AKAP8: variants seen among roughly 807,000 people sequenced by gnomAD.
AKAP8 encodes the protein A-kinase anchor protein 8.
A neutral mutation model predicts 67.5 loss-of-function variants in AKAP8; 24 were observed. That is an observed-to-expected ratio of 0.36 (90% CI 0.26 to 0.50). The LOEUF is 0.50. Among genes scored for constraint, AKAP8 ranks in the 20% least tolerant of loss-of-function variants. The pLI is 0.97. For missense variants in AKAP8, 971 were observed against 955.9 expected (o/e 1.02, Z -0.21); for synonymous variants, 400 against 371.1 (o/e 1.08, Z -0.90).
At chr19:15,377,547 C>G (rs891582881) in intron 1 of AKAP8, among the ~76,000 whole-genome samples, 11 of 152,186 alleles carry the variant, frequency 7.2e-5, no homozygotes, top group African/African-American at 2.7e-4. Context: ...CGGCTCACTG[C>G]AAGCTCCGCC....
At chr19:15,358,839 CCA>C (rs1311891936) in intron 13 of AKAP8, 126 bp downstream of exon 13, 2 of 822,044 alleles carry the variant, frequency 2.4e-6, no homozygotes, top group Non-Finnish European at 4.1e-6. Context: ...TTGATGCATT[CCA>C]GTGTCCCTCA....
At chr19:15,372,061 T>C in intron 6 of AKAP8, 63 bp from the exon 7 acceptor site, 1 of 1,611,558 alleles carries the variant, frequency 6.2e-7, no homozygotes, top group Non-Finnish European at 8.5e-7. Flanking sequence ...GTTTCCGCCC[T>C]CCCAAGCTCG....
intron 5 of AKAP8, 21 bp downstream of exon 5, chr19:15,372,830 A>G: frequency 1.3e-6 from 2 of 1,485,058 alleles, no homozygotes; most frequent in Non-Finnish European, 1.8e-6. Flanking sequence ...GGCGGCCGGA[A>G]GGAACCTTGC....
At position 15,374,013 on chromosome 19, in the gene AKAP8, G is replaced by C. The variant is rs753083714; in HGVS notation, c.144C>G (p.Gly48=). The C allele has an allele frequency of 1.9e-6, 3 of 1,602,336 alleles. No homozygotes were observed. The highest frequency in any genetic ancestry group is 2.6e-6 in the Non-Finnish European group (3 of 1,175,578). ...AGGCTGGGCCGTAGCTGTAGGTTGC[G>C]CCTGTGGTGACACTGGTGTTCTGGG... is the stretch of plus-strand genomic sequence containing the variant. ...YGAQNTSVTT[G]ATYSYGPASW... Residue 48 remains glycine (G), a synonymous_variant, in exon 4 of 14, where the codon GGC becomes GGG. Coordinates refer to ENST00000269701, the MANE Select transcript of AKAP8 (RefSeq NM_005858.4).
At chr19:15,360,383 G>A (rs1966945681) in intron 12 of AKAP8, among the ~76,000 whole-genome samples, 1 of 152,146 alleles carries the variant, frequency 6.6e-6, no homozygotes, top group Non-Finnish European at 1.5e-5. Flanking sequence ...GGGCCTCTAT[G>A]GTCTGCAATG....
At chr19:15,379,660 T>A (rs370021454) in intron 1 of AKAP8, 53 bp downstream of exon 1, 366 of 1,576,978 alleles carry the variant, frequency 2.3e-4, no homozygotes, top group Non-Finnish European at 2.9e-4. Flanking sequence ...AGCGGCTGCG[T>A]CGCCCGCACA....
At chr19:15,358,848 C>T in intron 13 of AKAP8, 119 bp downstream of exon 13, 1 of 912,462 alleles carries the variant, frequency 1.1e-6, no homozygotes, top group South Asian at 1.4e-5. Flanking sequence ...TCCAGTGTCC[C>T]TCAACTGTCA....
At chr19:15,372,670 A>G (rs1198199759) in intron 5 of AKAP8, among the ~76,000 whole-genome samples, 181 bp downstream of exon 5, 1 of 152,158 alleles carries the variant, frequency 6.6e-6, no homozygotes, top group Non-Finnish European at 1.5e-5. Context: ...CTTCTGGTTG[A>G]CATAAATGCT....
In AKAP8 at chr19:15,373,046, C is replaced by A. The variant is rs771085712; in HGVS notation, c.666G>T (p.Thr222=). 1.2e-6 allele frequency: 2 copies of A among 1,601,802 alleles called. No individual in the cohort carries two copies. Among genetic ancestry groups the A allele is most frequent in the East Asian group, 2.2e-5 (1 of 44,580 alleles). ...CCACGTAGTTCAGCTCGTTCCAGGG[C>A]GTGGACAGGGGCTCAGAGGACGCAG... ...PPAASSEPLS[T]PWNELNYVGG... Residue 222 remains threonine, a synonymous_variant, in exon 5 of 14, where the codon ACG becomes ACT. Coordinates refer to ENST00000269701, the MANE Select transcript of AKAP8 (RefSeq NM_005858.4).
At chr19:15,377,357 C>G (rs1013077737) in intron 1 of AKAP8, among the ~76,000 whole-genome samples, 2 of 152,220 alleles carry the variant, frequency 1.3e-5, no homozygotes, top group Admixed American at 6.5e-5. Context: ...CGTTCCCCCA[C>G]CCACCACACA....
rs757004459 is a variant in AKAP8, at chr19:15,373,946, C to G, written c.211G>C (p.Gly71Arg). The G allele has an allele frequency of 6.2e-7, 1 of 1,613,578 alleles. No individual in the cohort carries two copies. The highest frequency in any genetic ancestry group is 8.5e-7 in the Non-Finnish European group (1 of 1,179,830). The change falls in exon 4 of 14, where the codon GGG becomes CGG. Residue 71 changes from glycine (G) to arginine (R), a missense_variant. Gly to Arg is a moderately radical substitution (Grantham distance 125). This residue lies in a region of AKAP8 where 763 missense variants were observed against 745.4 expected (regional missense o/e 1.02). Transcript: ENST00000269701. The stretch of plus-strand genomic sequence containing the variant: ...GAGGCCATGTGCATGGCAGGGGCCC[C>G]GGCCGCCAGGCCGCCATCATTGGCC... Reference protein sequence around the residue: ...AKANDGGLAAGAPAMHMASYG... With the variant: ...AKANDGGLAARAPAMHMASYG...
At chr19:15,364,094 AAATT>A (rs1272839939) in intron 9 of AKAP8, among the ~76,000 whole-genome samples, 6 of 55,668 alleles carry the variant, frequency 1.1e-4, no homozygotes, top group Non-Finnish European at 3.2e-5. Flanking sequence ...ATAAATAAAT[AAATT>A]GGCAGTGGGC....
chr19:15,376,596 C>G (rs1457559056), intron 2 of AKAP8, among the ~76,000 whole-genome samples: 1 of 152,162 alleles, frequency 6.6e-6, no homozygotes, highest in East Asian at 1.9e-4. Context: ...ACTACTCAAT[C>G]TAAAGCTGTA....
intron 2 of AKAP8, among the ~76,000 whole-genome samples, chr19:15,375,840 G>A (rs551963450): frequency 0.038 from 5,836 of 151,812 alleles, 364 homozygotes; most frequent in African/African-American, 0.13. Context: ...GGGTTTCACT[G>A]TGTTAGCCAG....
intron 4 of AKAP8, 24 bp downstream of exon 4, chr19:15,373,762 G>A (rs1967203570): frequency 3.1e-6 from 5 of 1,592,906 alleles, no homozygotes; most frequent in Admixed American, 1.7e-5. Flanking sequence ...GGGGTCCCGG[G>A]GGAGGGCTTG....
rs143110237 is a variant in AKAP8 at position 15,373,936 on chromosome 19, G to T, written c.221C>A (p.Ala74Asp). ...TGGGCCGTAAGAGGCCATGTGCATG[G>T]CAGGGGCCCCGGCCGCCAGGCCGCC... ...NDGGLAAGAP[A>D]MHMASYGPEP... The change falls in exon 4 of 14, where the codon GCC becomes GAC. Residue 74 changes from alanine (A) to aspartate (D), a missense_variant. Around this residue, in one of 3 missense-constraint regions of AKAP8, gnomAD observed 763 missense variants for 745.4 expected, o/e 1.02. Coordinates refer to ENST00000269701, the MANE Select transcript of AKAP8 (RefSeq NM_005858.4). The T allele has an allele frequency of 3.7e-6, 6 of 1,613,874 alleles. No individual in the cohort carries two copies. The South Asian group carries it at 6.6e-5, about 18-fold the overall frequency.
In AKAP8 at chr19:15,355,019, C is replaced by G. The variant is rs1387158337; in HGVS notation, c.1975G>C (p.Glu659Gln). The G allele has an allele frequency of 2.5e-6, 4 of 1,614,078 alleles. No individual in the cohort carries two copies. In the African/African-American group the frequency reaches 4.0e-5, roughly 16 times the overall value. ...ACTCTGGTTTGGGCACTTTCTGCCTCTGCTGCCATTGTCTCGGCGCCATTT... is the reference window on the plus strand; with the variant it reads ...ACTCTGGTTTGGGCACTTTCTGCCTGTGCTGCCATTGTCTCGGCGCCATTT... The part of the protein sequence containing the change: ...AGNGAETMAA[E>Q]AESAQTRVAP... Residue 659 changes from glutamate to glutamine, a missense_variant, in exon 14 of 14, where the codon GAG (glutamate) becomes CAG (glutamine). Glu to Gln is a conservative substitution (Grantham distance 29). Around this residue, in one of 3 missense-constraint regions of AKAP8, gnomAD observed 204 missense variants for 193.0 expected, o/e 1.06. Transcript: ENST00000269701.
chr19:15,373,315 A>G lies in AKAP8; in HGVS notation c.397T>C (p.Ser133Pro). ...ESSFRFQPFESYDSRPCLPEH... is the reference protein window; with the variant it reads ...ESSFRFQPFEPYDSRPCLPEH... ...GGCAGGCAGGGCCTGGAGTCATAGG[A>G]CTCGAACGGCTGGAAGCGGAAGGAG... The change falls in exon 5 of 14, where the codon TCC becomes CCC. Residue 133 changes from serine to proline, a missense_variant. By Grantham distance (74) the Ser-to-Pro change is moderately conservative. Around this residue, in one of 3 missense-constraint regions of AKAP8, gnomAD observed 763 missense variants for 745.4 expected, o/e 1.02. Transcript: ENST00000269701. 5.6e-6 allele frequency: 9 copies of G among 1,611,262 alleles called. No homozygotes were observed. Among genetic ancestry groups the G allele is most frequent in the Non-Finnish European group, 7.6e-6 (9 of 1,178,762 alleles).
chr19:15,358,043 A>G (rs1322312936), intron 13 of AKAP8, among the ~76,000 whole-genome samples: 1 of 152,130 alleles, frequency 6.6e-6, no homozygotes, highest in Non-Finnish European at 1.5e-5. Flanking sequence ...GAACTGTCAA[A>G]TATGGAAGTG....
Sources: allele counts gnomAD v4.1 joint callset (sites outside exome capture counted in the v4.1 genomes callset), GRCh38; gene constraint gnomAD v4.1.1; regional missense constraint gnomAD v4.1.1; transcripts MANE v1.5; gene names NCBI Gene and HGNC (gene_info 2026-07-23, HGNC 2026-07-21).